Variants in KMT2C observed in about 807,000 individuals in gnomAD.
The protein encoded by KMT2C is lysine methyltransferase 2C.
A neutral mutation model predicts 507.9 loss-of-function variants in KMT2C; 88 were observed. The ratio of observed to expected loss-of-function variants is 0.17; its 90% CI spans 0.15 to 0.21. The LOEUF (loss-of-function observed/expected upper bound fraction) is 0.21. Ranked by LOEUF, KMT2C falls within the 10% of genes least tolerant of loss-of-function variation. The probability of loss-of-function intolerance (pLI) is 1.00; values close to 1 mark genes in which losing one functional copy is unlikely to be tolerated. For synonymous variants in KMT2C, 2,049 were observed against 2,080.8 expected (o/e 0.98, Z 0.42); for missense variants, 4,954 against 5,957.8 (o/e 0.83, Z 5.55).
rs2093205764 is a variant in KMT2C, at chr7:152,176,239, T to A, written c.9214A>T (p.Met3072Leu). 6.2e-7 allele frequency: 1 copy of A among 1,613,246 alleles called. No individual in the cohort carries two copies. The highest frequency in any genetic ancestry group is 8.5e-7 in the Non-Finnish European group (1 of 1,179,568). The change falls in exon 38 of 59, where the codon ATG becomes TTG. Residue 3072 changes from methionine (M) to leucine (L), a missense_variant. Physicochemically the swap from Met to Leu is conservative, Grantham distance 15. This residue lies in a region of KMT2C where 1,689 missense variants were observed against 1,654.3 expected (regional missense o/e 1.02). Coordinates refer to ENST00000262189, the MANE Select transcript of KMT2C (RefSeq NM_170606.3). ...ERQEQQQQRQ[M>L]QAMIRQRSEP... ...GATCGCTGACGAATCATGGCTTGCA[T>A]CTGTCTTTGCTGCTGCTGTTCTTGC...
In KMT2C at chr7:152,148,767, C is replaced by T. The variant is rs2129095534; in HGVS notation, c.13160G>A (p.Gly4387Asp). Residue 4387 changes from glycine to aspartate, a missense_variant, in exon 52 of 59, where the codon GGC becomes GAC. Gly to Asp is a moderately conservative substitution (Grantham distance 94). Around this residue, in one of 29 missense-constraint regions of KMT2C, gnomAD observed 417 missense variants for 461.1 expected, o/e 0.90. Coordinates refer to ENST00000262189, the MANE Select transcript of KMT2C (RefSeq NM_170606.3). This position sits in a 1 kb window ranked among gnomAD's most constrained non-coding sequence, Gnocchi z 7.1. ...DEIDEFLKKL[G>D]TSLKPDPVPK... ...CACAGGATCAGGTTTAAGGGAAGTG[C>T]CCAATTTCTTTAGAAATTCATCTAT... 6.2e-7 allele frequency: 1 copy of T among 1,614,208 alleles called. No homozygotes were observed. Among genetic ancestry groups the T allele is most frequent in the Non-Finnish European group, 8.5e-7 (1 of 1,180,040 alleles).
In KMT2C at chr7:152,177,401, A is replaced by G. The variant is rs751782205; in HGVS notation, c.8052T>C (p.Gly2684=). The part of the protein sequence containing the change: ...NLQITTQPSD[G]LEEKLDSDDP... ...CATCAGAATCAAGTTTTTCCTCTAG[A>G]CCATCAGAAGGCTGGGTGGTTATCT... Residue 2684 remains glycine, a synonymous_variant, in exon 38 of 59, where the codon GGT becomes GGC. Coordinates refer to ENST00000262189, the MANE Select transcript of KMT2C (RefSeq NM_170606.3). 6.2e-7 allele frequency: 1 copy of G among 1,614,146 alleles called. No homozygotes were observed. Among genetic ancestry groups the G allele is most frequent in the East Asian group, 2.2e-5 (1 of 44,884 alleles).
chr7:152,351,202 A>C (rs1310135085), intron 2 of KMT2C, among the ~76,000 whole-genome samples: 1 of 152,200 alleles, frequency 6.6e-6, no homozygotes, highest in Non-Finnish European at 1.5e-5. Flanking sequence ...AATAATGATA[A>C]AAAGTATAGT....
rs1454074905 is a variant in KMT2C at position 152,136,510 on chromosome 7, A to C, written c.*322T>G. 2 of 307,654 alleles carry C rather than the reference A, an allele frequency of 6.5e-6. No homozygotes were observed. The highest frequency in any genetic ancestry group is 4.7e-5 in the Admixed American group (1 of 21,118). The allele number at this position is 307,654 out of a possible 1,614,324, so 19.1% of individuals were successfully genotyped here. A position where few individuals can be genotyped will look rare whatever the true frequency, so the allele number is the denominator to read the frequency against. On this transcript the variant is annotated 3_prime_UTR_variant, in exon 59 of 59. Coordinates refer to ENST00000262189, the MANE Select transcript of KMT2C (RefSeq NM_170606.3). ...TCTCCTTAGTGAGACTAGAAAACCA[A>C]AACAATGAAACCCACCCACAAGGGA...
rs778145011 is a variant in KMT2C, at chr7:152,174,208, G to T, written c.9297C>A (p.Ala3099=). Residue 3099 remains alanine (A), a synonymous_variant, in exon 39 of 59, where the codon GCC becomes GCA. Transcript: ENST00000262189. ...FDAITDPIMK[A]KMVALKGINK... is the part of the protein sequence containing the mutation. ...TTATACCTTTAAGGGCCACCATTTT[G>T]GCTTTCATTATAGGATCTGTAATTG... 6.2e-6 allele frequency: 10 copies of T among 1,605,988 alleles called. No individual in the cohort carries two copies. The highest frequency in any genetic ancestry group is 6.8e-6 in the Non-Finnish European group (8 of 1,175,062).
intron 1 of KMT2C, chr7:152,366,794 T>C (rs1589490272): frequency 4.6e-6 from 1 of 215,076 alleles, no homozygotes; most frequent in Middle Eastern, 1.7e-3. Flanking sequence ...AGCCCTTCCG[T>C]GTCCGCAGGC....
chr7:152,181,500 T>A lies in KMT2C; in HGVS notation c.6360A>T (p.Gly2120=), dbSNP rs767462435. The A allele has an allele frequency of 6.2e-7, 1 of 1,614,054 alleles. No individual in the cohort carries two copies. Among genetic ancestry groups the A allele is most frequent in the South Asian group, 1.1e-5 (1 of 91,066 alleles). ...AHPSRAFSQP[G]TISRPTSQDP... ...CCTGAGATGTTGGCCTTGATATGGT[T>A]CCAGGCTGGGAAAAAGCCCTTGAAG... The change falls in exon 36 of 59, where the codon GGA becomes GGT. Residue 2120 remains glycine, a synonymous_variant. Coordinates refer to ENST00000262189, the MANE Select transcript of KMT2C (RefSeq NM_170606.3).
intron 23 of KMT2C, among the ~76,000 whole-genome samples, chr7:152,216,032 T>C (rs1216075216): frequency 6.6e-6 from 1 of 152,196 alleles, no homozygotes; most frequent in Non-Finnish European, 1.5e-5. Flanking sequence ...CAGTAGTTAC[T>C]GAATGCCAGT....
intron 2 of KMT2C, among the ~76,000 whole-genome samples, chr7:152,344,695 C>T (rs2097036693): frequency 6.6e-6 from 1 of 151,962 alleles, no homozygotes; most frequent in Non-Finnish European, 1.5e-5. Flanking sequence ...CAATTAAAAC[C>T]ACAAAAGGCA....
intron 35 of KMT2C, 110 bp from the exon 36 acceptor site, chr7:152,182,704 G>C: frequency 1.0e-6 from 1 of 979,986 alleles, no homozygotes; most frequent in South Asian, 1.7e-5. Flanking sequence ...AGCGCTACCA[G>C]ATTGCTCCCA....
intron 16 of KMT2C, among the ~76,000 whole-genome samples, chr7:152,232,492 A>C (rs1219021598): frequency 1.3e-5 from 2 of 152,206 alleles, no homozygotes; most frequent in Non-Finnish European, 2.9e-5. Context: ...GGCATATATA[A>C]TAGGTTGAAT....
chr7:152,293,069 G>C (rs1261866084), intron 6 of KMT2C, among the ~76,000 whole-genome samples: 3 of 152,050 alleles, frequency 2.0e-5, no homozygotes, highest in Non-Finnish European at 4.4e-5. Flanking sequence ...CGAATAGAAA[G>C]ACTTAGTATA....
intron 1 of KMT2C, among the ~76,000 whole-genome samples, chr7:152,400,096 CAGG>C (rs1455472318): frequency 4.1e-5 from 6 of 147,190 alleles, no homozygotes; most frequent in Admixed American, 2.0e-4. Context: ...ATCACGAGGT[CAGG>C]AGATCAAAAC....
chr7:152,236,410 GT>G (rs1470563798), intron 15 of KMT2C, among the ~76,000 whole-genome samples: 1 of 152,172 alleles, frequency 6.6e-6, no homozygotes, highest in Admixed American at 6.5e-5. Context: ...CATATAGTAG[GT>G]TTTATTATCC....
At chr7:152,190,760 A>G (rs1191347999) in intron 31 of KMT2C, among the ~76,000 whole-genome samples, 2 of 152,196 alleles carry the variant, frequency 1.3e-5, no homozygotes, top group Admixed American at 6.5e-5. Context: ...ACAATAAAGC[A>G]TATTACATAT....
chr7:152,187,890 T>G (rs1203184434), intron 31 of KMT2C, 43 bp from the exon 32 acceptor site: 2 of 1,602,876 alleles, frequency 1.2e-6, no homozygotes, highest in Non-Finnish European at 1.7e-6. Flanking sequence ...TATTCACAAG[T>G]AACAAGGAGT....
chr7:152,175,972 G>A (rs2093186478), intron 38 of KMT2C, among the ~76,000 whole-genome samples: 1 of 152,166 alleles, frequency 6.6e-6, no homozygotes, highest in African/African-American at 2.4e-5. Flanking sequence ...GAACCCAGGA[G>A]GTGGAGGTTG....
At chr7:152,213,458 A>C (rs1343023764) in intron 23 of KMT2C, among the ~76,000 whole-genome samples, 2 of 152,210 alleles carry the variant, frequency 1.3e-5, no homozygotes, top group African/African-American at 2.4e-5. Flanking sequence ...AAGATACAAT[A>C]GGGAAAAGAT....
At chr7:152,164,929 A>G (rs1337994599) in intron 42 of KMT2C, among the ~76,000 whole-genome samples, 2 of 152,238 alleles carry the variant, frequency 1.3e-5, no homozygotes, top group Non-Finnish European at 2.9e-5. Flanking sequence ...AAGGATGTGT[A>G]TATCTCTCAA....
Sources: allele counts gnomAD v4.1 joint callset (sites outside exome capture counted in the v4.1 genomes callset), GRCh38; gene constraint gnomAD v4.1.1; regional missense constraint gnomAD v4.1.1; non-coding constraint Gnocchi (gnomAD v3.1); transcripts MANE v1.5; gene names NCBI Gene and HGNC (gene_info 2026-07-23, HGNC 2026-07-21).